Variants in HOMER2 observed in about 807,000 individuals in gnomAD.
HOMER2 encodes homer protein homolog 2.
Under a neutral mutation model 47.0 loss-of-function variants are expected in HOMER2, and 27 were observed. The ratio of observed to expected loss-of-function variants is 0.57; its 90% CI spans 0.42 to 0.79. HOMER2 has a LOEUF of 0.79. Among genes scored for constraint, HOMER2 ranks in the 30% least tolerant of loss-of-function variants. The pLI, the probability that HOMER2 is intolerant of heterozygous loss-of-function variation, is 0.00. For synonymous variants in HOMER2, 161 were observed against 163.8 expected (o/e 0.98, Z 0.13); for missense variants, 443 against 435.0 (o/e 1.02, Z -0.16).
chr15:82,899,444 C>A (rs1053635602), intron 1 of HOMER2, among the ~76,000 whole-genome samples: 1 of 152,194 alleles, frequency 6.6e-6, no homozygotes, highest in Non-Finnish European at 1.5e-5. Context: ...TCCTCAGAAC[C>A]CAGAACAGAG....
downstream of HOMER2, chr15:82,836,111 G>A (rs943560800): frequency 6.6e-6 from 1 of 152,216 alleles, no homozygotes; most frequent in Non-Finnish European, 1.5e-5. Flanking sequence ...TGGCCCAATT[G>A]TGTCTTCTGT....
downstream of HOMER2, chr15:82,844,362 A>G (rs1027593415): frequency 7.2e-5 from 11 of 152,262 alleles, no homozygotes; most frequent in African/African-American, 2.7e-4. Context: ...TGACTACAAC[A>G]GTAAAAAAAT....
At chr15:82,965,465 C>A (rs1357339931) in intron 1 of HOMER2, among the ~76,000 whole-genome samples, 2 of 152,206 alleles carry the variant, frequency 1.3e-5, no homozygotes, top group African/African-American at 4.8e-5. Flanking sequence ...TTTGCTTGAT[C>A]TCAGGTAAAT....
intron 1 of HOMER2, among the ~76,000 whole-genome samples, chr15:82,968,643 C>T (rs1258125557): frequency 2.6e-5 from 4 of 152,174 alleles, no homozygotes; most frequent in Admixed American, 6.5e-5. Flanking sequence ...AGAGATCACC[C>T]TATAACAGAA....
chr15:82,982,969 C>G (rs1419524395), intron 1 of HOMER2, among the ~76,000 whole-genome samples: 1 of 152,122 alleles, frequency 6.6e-6, no homozygotes, highest in Non-Finnish European at 1.5e-5. Context: ...TACAGCTGCT[C>G]CTTGATTTTT....
chr15:82,965,768 CTTTT>C (rs112817725), intron 1 of HOMER2, among the ~76,000 whole-genome samples: 2 of 144,652 alleles, frequency 1.4e-5, no homozygotes, highest in Non-Finnish European at 1.5e-5. Flanking sequence ...CCTCAAAGCC[CTTTT>C]TTTTTTTTTT....
intron 3 of HOMER2, among the ~76,000 whole-genome samples, chr15:82,868,003 C>T (rs1270458541): frequency 1.3e-5 from 2 of 152,064 alleles, no homozygotes; most frequent in Non-Finnish European, 2.9e-5. Context: ...TCGCCTCCCT[C>T]CAAGTCTTGC....
At chr15:82,986,072 G>T (rs2030590360), upstream of HOMER2, 1 of 985,508 alleles carries the variant, frequency 1.0e-6, no homozygotes, top group Non-Finnish European at 1.2e-6. Flanking sequence ...ACAGCTACTT[G>T]CCCACACCTC....
intron 1 of HOMER2, among the ~76,000 whole-genome samples, chr15:82,939,283 T>C (rs999185075): frequency 1.9e-4 from 29 of 152,344 alleles, no homozygotes; most frequent in African/African-American, 6.7e-4. Flanking sequence ...ATTCAGCCTC[T>C]TGCATTCTCT....
intron 1 of HOMER2, among the ~76,000 whole-genome samples, chr15:82,901,195 A>G (rs1006152700): frequency 6.6e-6 from 1 of 152,140 alleles, no homozygotes; most frequent in African/African-American, 2.4e-5. Flanking sequence ...CGATTCTCCA[A>G]AAGGGCTGGA....
intron 1 of HOMER2, among the ~76,000 whole-genome samples, chr15:82,942,518 T>A (rs932457529): frequency 6.6e-6 from 1 of 152,208 alleles, no homozygotes; most frequent in Non-Finnish European, 1.5e-5. Flanking sequence ...TCCACTAGCC[T>A]GTAAGCATCC....
chr15:82,834,795 C>T (rs972342106), downstream of HOMER2: 2 of 152,214 alleles, frequency 1.3e-5, no homozygotes, highest in Non-Finnish European at 2.9e-5. Flanking sequence ...GCAAAGTCTT[C>T]CGTGTCCGGG....
intron 1 of HOMER2, among the ~76,000 whole-genome samples, chr15:82,943,857 G>A (rs2054315612): frequency 1.3e-5 from 2 of 152,156 alleles, no homozygotes; most frequent in South Asian, 2.1e-4. Flanking sequence ...CCCTCACTTC[G>A]GCCCTCCTTT....
intron 1 of HOMER2, among the ~76,000 whole-genome samples, chr15:82,973,002 C>G (rs2030048663): frequency 6.6e-6 from 1 of 152,164 alleles, no homozygotes; most frequent in Non-Finnish European, 1.5e-5. Flanking sequence ...CTCCCTGCCT[C>G]CTTGTCTCAT....
At chr15:82,939,602 A>C (rs2054218074) in intron 1 of HOMER2, among the ~76,000 whole-genome samples, 1 of 152,166 alleles carries the variant, frequency 6.6e-6, no homozygotes, top group Non-Finnish European at 1.5e-5. Flanking sequence ...CCTGGGAGGC[A>C]GAGGTTTCAG....
intron 1 of HOMER2, among the ~76,000 whole-genome samples, chr15:82,978,615 C>T (rs1451073759): frequency 6.6e-6 from 1 of 152,118 alleles, no homozygotes; most frequent in African/African-American, 2.4e-5. Context: ...AATCTCATTT[C>T]GCAGTTCCAA....
At chr15:82,976,602 C>T (rs887684774) in intron 1 of HOMER2, among the ~76,000 whole-genome samples, 1 of 150,100 alleles carries the variant, frequency 6.7e-6, no homozygotes, top group African/African-American at 2.5e-5. Context: ...ATTTTATATA[C>T]TGCATATATT....
chr15:82,837,906 T>TA (rs1174520398), exon 2 of HOMER2: 1 of 152,228 alleles, frequency 6.6e-6, no homozygotes, highest in Non-Finnish European at 1.5e-5. Flanking sequence ...CAGCTGTAAG[T>TA]ATGAAAAGGA....
rs41314075 is a variant in HOMER2, at chr15:82,864,153, G to C, written c.387+14C>G. ...CAACCCCACTGGGATTTACTTCATA[G>C]ACTAATGTCTTACTTGGGAATGATT... On this transcript the variant is annotated intron_variant, in intron 4 of 8. Coordinates refer to ENST00000450735, the MANE Select transcript of HOMER2 (RefSeq NM_004839.4). 1.3e-4 allele frequency: 205 copies of C among 1,564,912 alleles called. No homozygotes were observed. The East Asian group carries it at 4.6e-3, about 35-fold the overall frequency.
Sources: gnomAD v4.1 joint callset for allele counts (sites outside exome capture counted in the v4.1 genomes callset) on GRCh38, gnomAD v4.1.1 for gene constraint, MANE v1.5 for transcripts, NCBI Gene and HGNC (gene_info 2026-07-23, HGNC 2026-07-21) for gene names.